The following MRPL22 variants were observed in gnomAD, a reference collection of about 807,000 sequenced individuals.
MRPL22 encodes the protein large ribosomal subunit protein uL22m.
Under a neutral mutation model 32.4 loss-of-function variants are expected in MRPL22, and 27 were observed. The ratio of observed to expected loss-of-function variants is 0.83; its 90% CI spans 0.61 to 1.15. The LOEUF is 1.15. Among genes scored for constraint, MRPL22 ranks in the 50% most tolerant of loss-of-function variants. The pLI, the probability that MRPL22 is intolerant of heterozygous loss-of-function variation, is 0.00. For missense variants in MRPL22, 239 were observed against 260.2 expected (o/e 0.92, Z 0.56); for synonymous variants, 86 against 87.3 (o/e 0.99, Z 0.08).
intron 2 of MRPL22, among the ~76,000 whole-genome samples, chr5:154,942,926 C>T (rs1252575156): frequency 6.6e-6 from 1 of 152,162 alleles, no homozygotes; most frequent in Non-Finnish European, 1.5e-5. Context: ...TTAGTCTTTT[C>T]CTCTATGTCA....
chr5:154,963,946 GGA>G (rs1217686287), intron 6 of MRPL22, among the ~76,000 whole-genome samples: 1 of 152,062 alleles, frequency 6.6e-6, no homozygotes, highest in Non-Finnish European at 1.5e-5. Flanking sequence ...CACATAGGTT[GGA>G]ATAAGCAGTA....
chr5:154,945,781 C>T (rs568075597), intron 2 of MRPL22, among the ~76,000 whole-genome samples: 1 of 152,270 alleles, frequency 6.6e-6, no homozygotes, highest in South Asian at 2.1e-4. Flanking sequence ...AGGTCACTCT[C>T]AGATGAGGAC....
Position 154,967,119 on chromosome 5 carries a change from A to C in MRPL22, c.*222A>C. On this transcript the variant is annotated 3_prime_UTR_variant, in exon 7 of 7. Coordinates refer to ENST00000523037, the MANE Select transcript of MRPL22 (RefSeq NM_014180.4). The surrounding 1 kb of genome is among the most constrained non-coding windows in gnomAD (Gnocchi z 4.7). ...TTGGAAGGGGAAATCAGCTTTAAAC[A>C]TAGTAACAGACTATATTTCAAAAGG... 2 of 556,654 alleles carry C rather than the reference A, an allele frequency of 3.6e-6. No homozygotes were observed. Among genetic ancestry groups the C allele is most frequent in the South Asian group, 4.5e-5 (2 of 44,166 alleles). The allele number at this position is 556,654 out of a possible 1,614,324, so 34.5% of individuals were successfully genotyped here. A position where few individuals can be genotyped will look rare whatever the true frequency, so the allele number is the denominator to read the frequency against.
chr5:154,961,270 G>C (rs980127953), intron 6 of MRPL22, among the ~76,000 whole-genome samples: 1 of 152,136 alleles, frequency 6.6e-6, no homozygotes, highest in African/African-American at 2.4e-5. Context: ...CAAGATGCAG[G>C]GCCATGGTAG....
chr5:154,949,865 C>T (rs1431198359), intron 2 of MRPL22, among the ~76,000 whole-genome samples: 2 of 152,178 alleles, frequency 1.3e-5, no homozygotes, highest in African/African-American at 2.4e-5. Context: ...GCCTCAATGA[C>T]CTTTCCAATA....
At chr5:154,960,322 T>C (rs928890470) in intron 6 of MRPL22, among the ~76,000 whole-genome samples, 3 of 152,218 alleles carry the variant, frequency 2.0e-5, no homozygotes, top group African/African-American at 7.2e-5. Flanking sequence ...CTGGGGTACA[T>C]AGAGTGGTAC....
intron 2 of MRPL22, among the ~76,000 whole-genome samples, chr5:154,946,462 T>C (rs894247572): frequency 1.3e-5 from 2 of 152,082 alleles, no homozygotes; most frequent in Non-Finnish European, 2.9e-5. Flanking sequence ...ATTTGGGGGC[T>C]GGGGACAGGA....
At chr5:154,943,122 T>C (rs1582686271) in intron 2 of MRPL22, among the ~76,000 whole-genome samples, 1 of 152,152 alleles carries the variant, frequency 6.6e-6, no homozygotes, top group East Asian at 1.9e-4. Flanking sequence ...ATAATCTGAT[T>C]CAGTGATGAG....
At chr5:154,950,065 C>T (rs1007935408) in intron 2 of MRPL22, among the ~76,000 whole-genome samples, 2 of 152,258 alleles carry the variant, frequency 1.3e-5, no homozygotes, top group African/African-American at 2.4e-5. Context: ...CACAGTTCTG[C>T]GTGGCTGGGG....
chr5:154,954,424 T>G (rs1764605848), intron 3 of MRPL22, among the ~76,000 whole-genome samples: 1 of 152,250 alleles, frequency 6.6e-6, no homozygotes, highest in Admixed American at 6.5e-5. Flanking sequence ...GAATAACTAT[T>G]TTACGTATCC....
Position 154,941,246 on chromosome 5 carries a change from C to T in MRPL22, c.58C>T (p.Arg20Trp), listed in dbSNP as rs1387399130. 2.5e-6 allele frequency: 4 copies of T among 1,613,250 alleles called. No individual in the cohort carries two copies. Among genetic ancestry groups the T allele is most frequent in the African/African-American group, 2.7e-5 (2 of 74,842 alleles). The stretch of plus-strand genomic sequence containing the variant: ...GTTATGGATACATAACCTGAGGAGC[C>T]GGGGGAAGCTGGCCTTGGGGTGAGT... Reference protein sequence around the residue: ...GALWIHNLRSRGKLALGVLPQ... With the variant: ...GALWIHNLRSWGKLALGVLPQ... The change falls in exon 2 of 7, where the codon CGG (arginine) becomes TGG (tryptophan). Residue 20 changes from arginine to tryptophan, a missense_variant. By Grantham distance (101) the Arg-to-Trp change is moderately radical. Transcript: ENST00000523037.
chr5:154,949,654 T>C (rs181513267), intron 2 of MRPL22, among the ~76,000 whole-genome samples: 108 of 152,310 alleles, frequency 7.1e-4, no homozygotes, highest in African/African-American at 2.5e-3. Flanking sequence ...GAAGATAAAC[T>C]CTAGAACACC....
intron 6 of MRPL22, among the ~76,000 whole-genome samples, chr5:154,961,112 C>T (rs1208432854): frequency 1.3e-5 from 2 of 152,096 alleles, no homozygotes; most frequent in Non-Finnish European, 2.9e-5. Context: ...AATCTCAGTT[C>T]AACTCACCTG....
chr5:154,963,988 GA>G (rs1327719227), intron 6 of MRPL22, among the ~76,000 whole-genome samples: 2 of 152,174 alleles, frequency 1.3e-5, no homozygotes, highest in Non-Finnish European at 2.9e-5. Context: ...AGAACAGTGT[GA>G]AGGAAGTAGA....
chr5:154,960,136 C>G, intron 6 of MRPL22, 87 bp downstream of exon 6: 1 of 926,110 alleles, frequency 1.1e-6, no homozygotes. Flanking sequence ...TAATATCTAA[C>G]TCCTCAGGAC....
At chr5:154,948,842 A>C (rs1764525140) in intron 2 of MRPL22, among the ~76,000 whole-genome samples, 1 of 152,218 alleles carries the variant, frequency 6.6e-6, no homozygotes, top group Non-Finnish European at 1.5e-5. Flanking sequence ...AGTTTTCAAA[A>C]TAACAAGTTG....
At position 154,953,364 on chromosome 5, in the gene MRPL22, A is replaced by G. The variant is rs1288593055; in HGVS notation, c.195+2426A>G. ...CAGAGCGAGACTCCGTCTCAGGAGA[A>G]AAAAAAAAAAAAAAAAAAAAAAAAG... On this transcript the variant is annotated intron_variant, in intron 3 of 6. Coordinates refer to ENST00000523037, the MANE Select transcript of MRPL22 (RefSeq NM_014180.4). Among the ~76,000 whole-genome samples the G allele has an allele frequency of 9.8e-3, 249 of 25,428 alleles. 2 individuals are homozygous for G. The highest frequency in any genetic ancestry group is 0.05 in the African/African-American group (220 of 4,424). 16.7% of individuals were successfully genotyped at this position (25,428 alleles called of 152,430 possible).
At chr5:154,965,163 C>T (rs1764749894) in intron 6 of MRPL22, among the ~76,000 whole-genome samples, 2 of 152,206 alleles carry the variant, frequency 1.3e-5, no homozygotes, top group South Asian at 4.1e-4. Flanking sequence ...AAACCCACTT[C>T]ACTAGAGGAT....
chr5:154,941,594 A>G (rs1266094463), intron 2 of MRPL22, among the ~76,000 whole-genome samples: 4 of 152,184 alleles, frequency 2.6e-5, no homozygotes, highest in African/African-American at 7.2e-5. Context: ...ACTTGCTTAC[A>G]TGGGCAGGGA....
Sources: gnomAD v4.1 joint callset for allele counts (sites outside exome capture counted in the v4.1 genomes callset) on GRCh38, gnomAD v4.1.1 for gene constraint, Gnocchi (gnomAD v3.1) non-coding constraint, MANE v1.5 for transcripts, NCBI Gene and HGNC (gene_info 2026-07-23, HGNC 2026-07-21) for gene names.